Variants in GMEB2 observed in about 807,000 individuals in gnomAD.
GMEB2 encodes glucocorticoid modulatory element binding protein 2, also known as glucocorticoid modulatory element-binding protein 2.
In GMEB2, 7 loss-of-function variants were observed where a neutral mutation model predicts 45.7. The observed-to-expected ratio is 0.15, with a 90% CI of 0.09 to 0.29. The LOEUF (loss-of-function observed/expected upper bound fraction) is 0.29. Ranked by LOEUF, GMEB2 falls within the 10% of genes least tolerant of loss-of-function variation. The pLI is 1.00. For missense variants in GMEB2, 582 were observed against 739.2 expected (o/e 0.79, Z 2.47); for synonymous variants, 322 against 323.6 (o/e 1.00, Z 0.05).
In GMEB2 at chr20:63,589,639, G is replaced by A. The variant is rs968655661; in HGVS notation, c.*450C>T. ...CTTGGGCTTAGCTCCCAAGTCATGA[G>A]TTAGTAACGTCCCCAGGGACCTGGC... is the stretch of plus-strand genomic sequence containing the variant. On this transcript the variant is annotated 3_prime_UTR_variant, in exon 10 of 10. Transcript: ENST00000370077. The A allele has an allele frequency of 1.1e-5, 2 of 174,236 alleles. No homozygotes were observed. Among genetic ancestry groups the A allele is most frequent in the Non-Finnish European group, 2.4e-5 (2 of 83,462 alleles). The allele number at this position is 174,236 out of a possible 1,614,324, so 10.8% of individuals were successfully genotyped here.
At position 63,590,342 on chromosome 20, in the gene GMEB2, A is replaced by G. The variant is rs1386666390; in HGVS notation, c.1340T>C (p.Ile447Thr). The G allele has an allele frequency of 1.9e-6, 3 of 1,611,934 alleles. No homozygotes were observed. The highest frequency in any genetic ancestry group is 2.5e-6 in the Non-Finnish European group (3 of 1,179,302). Reference sequence around the variant, plus strand: ...CGTGAGGCTGGACGCGTCCGGGTGGATCTCCACTGTGCTGGGGTAGGTGGA... The same window carrying G: ...CGTGAGGCTGGACGCGTCCGGGTGGGTCTCCACTGTGCTGGGGTAGGTGGA... ...SGSTYPSTVE[I>T]HPDASSLTVL... The change falls in exon 10 of 10, where the codon ATC becomes ACC. Residue 447 changes from isoleucine (I) to threonine (T), a missense_variant. This residue lies in a region of GMEB2 where 462 missense variants were observed against 586.7 expected (regional missense o/e 0.79). Coordinates refer to ENST00000370077, the MANE Select transcript of GMEB2 (RefSeq NM_012384.5).
intron 2 of GMEB2, among the ~76,000 whole-genome samples, chr20:63,611,614 C>CA (rs566271215): frequency 6.6e-4 from 89 of 134,642 alleles, no homozygotes; most frequent in African/African-American, 1.2e-3. Context: ...GACTTGGTCT[C>CA]AAAAAAAAAA....
At chr20:63,601,734 C>T (rs971084170) in intron 4 of GMEB2, among the ~76,000 whole-genome samples, 2 of 152,070 alleles carry the variant, frequency 1.3e-5, no homozygotes, top group African/African-American at 4.8e-5. Context: ...AGCCTTAAAA[C>T]CCCAACAGCC....
chr20:63,613,908 G>A (rs1433418346), intron 2 of GMEB2, among the ~76,000 whole-genome samples: 1 of 152,212 alleles, frequency 6.6e-6, no homozygotes, highest in African/African-American at 2.4e-5. Context: ...ACATGTTCGT[G>A]AGACTTCTCT....
intron 9 of GMEB2, among the ~76,000 whole-genome samples, chr20:63,591,636 G>GT (rs985634545): frequency 1.2e-4 from 19 of 152,154 alleles, no homozygotes; most frequent in African/African-American, 3.6e-4. Flanking sequence ...GTTTTGTTTT[G>GT]TTTTTTTCAG....
At chr20:63,601,019 T>C (rs1359273295) in intron 4 of GMEB2, among the ~76,000 whole-genome samples, 6 of 152,208 alleles carry the variant, frequency 3.9e-5, no homozygotes, top group Non-Finnish European at 8.8e-5. Flanking sequence ...ACGTCTGCAA[T>C]GGCTGCATGG....
intron 2 of GMEB2, among the ~76,000 whole-genome samples, chr20:63,614,198 A>G (rs575900643): frequency 2.3e-4 from 35 of 152,184 alleles, no homozygotes; most frequent in Non-Finnish European, 4.4e-4. Context: ...TATGAATATC[A>G]TTCATCATTA....
chr20:63,626,286 C>T (rs77512702), intron 1 of GMEB2, among the ~76,000 whole-genome samples: 124 of 57,024 alleles, frequency 2.2e-3, no homozygotes, highest in Non-Finnish European at 5.4e-3. Context: ...CCCTGCGGGT[C>T]GGGTGCCTGC....
At position 63,603,015 on chromosome 20, in the gene GMEB2, G is replaced by T. The variant is rs1333115238; in HGVS notation, c.307C>A (p.Leu103Ile). The change falls in exon 4 of 10, where the codon CTC becomes ATC. Residue 103 changes from leucine (L) to isoleucine (I), a missense_variant. Leu to Ile is a conservative substitution (Grantham distance 5). Around this residue, in one of 3 missense-constraint regions of GMEB2, gnomAD observed 6 missense variants for 29.0 expected, o/e 0.21. Transcript: ENST00000370077. ...PITCGDSRAN[L>I]IWRKFVCPGI... is the part of the protein sequence containing the mutation. ...GGACACACAAACTTCCTCCAGATGAGGTTGGCTCTGCTGTCTCCACAGGTG... is the reference window on the plus strand; with the variant it reads ...GGACACACAAACTTCCTCCAGATGATGTTGGCTCTGCTGTCTCCACAGGTG... 1 of 1,613,862 alleles carries T rather than the reference G, an allele frequency of 6.2e-7. No individual in the cohort carries two copies. Among genetic ancestry groups the T allele is most frequent in the Non-Finnish European group, 8.5e-7 (1 of 1,179,882 alleles).
In GMEB2 at chr20:63,588,695, C is replaced by A. The variant is rs907306804; in HGVS notation, c.*1394G>T. ...GAGCAGTGAAGTGGGACACAGGACC[C>A]TCGCATTGCGGGGCCTCAGACGGGC... On this transcript the variant is annotated 3_prime_UTR_variant, in exon 10 of 10. Transcript: ENST00000370077. The A allele has an allele frequency of 3.3e-5, 13 of 398,436 alleles. No individual in the cohort carries two copies. Among genetic ancestry groups the A allele is most frequent in the African/African-American group, 2.3e-4 (11 of 48,768 alleles). 24.7% of individuals were successfully genotyped at this position (398,436 alleles called of 1,614,324 possible).
At chr20:63,610,097 C>T (rs370789896) in intron 2 of GMEB2, among the ~76,000 whole-genome samples, 3 of 152,210 alleles carry the variant, frequency 2.0e-5, no homozygotes, top group Non-Finnish European at 4.4e-5. Context: ...GGAACCCGTG[C>T]GGGCAGCTGC....
At chr20:63,611,481 G>A (rs1009958662) in intron 2 of GMEB2, among the ~76,000 whole-genome samples, 12 of 151,212 alleles carry the variant, frequency 7.9e-5, no homozygotes, top group Middle Eastern at 3.2e-3. Context: ...GCGTGGTGGC[G>A]GGTGCCTGTA....
intron 5 of GMEB2, 21 bp from the exon 6 acceptor site, chr20:63,595,788 G>C (rs987794595): frequency 1.2e-6 from 2 of 1,612,784 alleles, no homozygotes; most frequent in Non-Finnish European, 8.5e-7. Context: ...CAGTGGCATG[G>C]AGCGTCCAGG....
At chr20:63,617,953 C>T (rs1054306791) in intron 2 of GMEB2, among the ~76,000 whole-genome samples, 11 of 151,990 alleles carry the variant, frequency 7.2e-5, no homozygotes, top group African/African-American at 2.7e-4. Flanking sequence ...GAGAAAGCTA[C>T]GTGGACTTCT....
chr20:63,603,505 C>A (rs6090470), intron 3 of GMEB2, among the ~76,000 whole-genome samples: 26,082 of 150,730 alleles, frequency 0.17, 3,062 homozygotes, highest in East Asian at 0.5. Context: ...CCGAGGCAGG[C>A]GGATCACGAA....
chr20:63,614,381 G>A (rs2089592877), intron 2 of GMEB2, among the ~76,000 whole-genome samples: 1 of 152,210 alleles, frequency 6.6e-6, no homozygotes, highest in Admixed American at 6.5e-5. Flanking sequence ...TGTTATGCCT[G>A]GACAGGGCCA....
At chr20:63,625,255 A>G (rs1307757568) in intron 1 of GMEB2, among the ~76,000 whole-genome samples, 1 of 151,790 alleles carries the variant, frequency 6.6e-6, no homozygotes, top group Non-Finnish European at 1.5e-5. Flanking sequence ...GGCTCACTGC[A>G]ACCTCCGCCT....
At chr20:63,623,287 G>C (rs2089650905) in intron 1 of GMEB2, among the ~76,000 whole-genome samples, 1 of 152,168 alleles carries the variant, frequency 6.6e-6, no homozygotes, top group South Asian at 2.1e-4. Flanking sequence ...GGGCTCACAG[G>C]TGAACCCCTC....
At chr20:63,609,119 C>T (rs56179203) in intron 2 of GMEB2, among the ~76,000 whole-genome samples, 72 of 80,178 alleles carry the variant, frequency 9.0e-4, no homozygotes, top group Admixed American at 1.1e-3. Context: ...CCTCCATTTC[C>T]AGAAACATGC....
Sources: gnomAD v4.1 joint callset for allele counts (sites outside exome capture counted in the v4.1 genomes callset) on GRCh38, gnomAD v4.1.1 for gene constraint, gnomAD v4.1.1 regional missense constraint, MANE v1.5 for transcripts, NCBI Gene and HGNC (gene_info 2026-07-23, HGNC 2026-07-21) for gene names.